Variants in PPP1R9A observed in about 807,000 individuals in gnomAD.
PPP1R9A encodes protein phosphatase 1 regulatory subunit 9A.
A neutral mutation model predicts 141.9 loss-of-function variants in PPP1R9A; 59 were observed. The observed-to-expected ratio is 0.42, with a 90% confidence interval of 0.34 to 0.52. PPP1R9A has a LOEUF of 0.52. PPP1R9A is among the 20% of genes least tolerant of loss of function. PPP1R9A has a pLI of 0.10. For missense variants in PPP1R9A, 1,444 were observed against 1,611.9 expected (o/e 0.90, Z 1.78); for synonymous variants, 500 against 569.7 (o/e 0.88, Z 1.74).
intron 5 of PPP1R9A, among the ~76,000 whole-genome samples, chr7:95,194,546 G>A (rs184064404): frequency 1.9e-3 from 291 of 152,030 alleles, no homozygotes; most frequent in Non-Finnish European, 3.4e-3. Context: ...CATAGTAGAT[G>A]TGATATTATA....
chr7:94,998,875 C>A (rs747752122), intron 2 of PPP1R9A, among the ~76,000 whole-genome samples: 14 of 152,070 alleles, frequency 9.2e-5, no homozygotes, highest in Non-Finnish European at 2.1e-4. Flanking sequence ...GTGGTCCTTC[C>A]ATCTCAGCCT....
At chr7:95,212,588 G>C (rs1792362487) in intron 7 of PPP1R9A, among the ~76,000 whole-genome samples, 1 of 152,148 alleles carries the variant, frequency 6.6e-6, no homozygotes, top group African/African-American at 2.4e-5. Context: ...AATGGTTCCT[G>C]ATTTTAGGTA....
intron 2 of PPP1R9A, among the ~76,000 whole-genome samples, chr7:95,050,598 A>G (rs1810654898): frequency 6.6e-6 from 1 of 152,136 alleles, no homozygotes; most frequent in Non-Finnish European, 1.5e-5. Flanking sequence ...GTGGTGATGC[A>G]TGCCTGTAAT....
At chr7:94,933,961 G>A (rs766668345) in intron 2 of PPP1R9A, among the ~76,000 whole-genome samples, 6 of 152,226 alleles carry the variant, frequency 3.9e-5, no homozygotes, top group South Asian at 4.1e-4. Context: ...ATTGAATAAC[G>A]TGATCAAAGT....
At position 95,034,468 on chromosome 7, in the gene PPP1R9A, A is replaced by G. The variant is rs186230201; in HGVS notation, c.1396-76791A>G. Reference sequence around the variant, plus strand: ...ACTACAACCTCTGCCTCCCAGGTTCAGGTGATTCTCATGCCTCAGCCTCCC... The same window carrying G: ...ACTACAACCTCTGCCTCCCAGGTTCGGGTGATTCTCATGCCTCAGCCTCCC... On this transcript the variant is annotated intron_variant, in intron 2 of 19. Transcript: ENST00000433360. Among the ~76,000 whole-genome samples the G allele has an allele frequency of 5.5e-3, 835 of 152,230 alleles. 4 individuals are homozygous for G. Among genetic ancestry groups the G allele is most frequent in the Non-Finnish European group, 9.0e-3 (611 of 68,012 alleles).
At chr7:95,262,817 G>A (rs1367999876) in intron 12 of PPP1R9A, among the ~76,000 whole-genome samples, 1 of 152,136 alleles carries the variant, frequency 6.6e-6, no homozygotes, top group African/African-American at 2.4e-5. Context: ...CAAATTAAAT[G>A]TATAGCTCAT....
At chr7:95,018,964 GA>G (rs1188063423) in intron 2 of PPP1R9A, among the ~76,000 whole-genome samples, 1 of 152,176 alleles carries the variant, frequency 6.6e-6, no homozygotes, top group Non-Finnish European at 1.5e-5. Flanking sequence ...AAGGGAAAAG[GA>G]AAATCTTTTC....
At chr7:95,190,843 G>A (rs1835393007) in intron 5 of PPP1R9A, among the ~76,000 whole-genome samples, 1 of 152,146 alleles carries the variant, frequency 6.6e-6, no homozygotes, top group Admixed American at 6.5e-5. Flanking sequence ...TGTCCAAGTG[G>A]GAGCTGCATG....
At chr7:95,288,083 C>T (rs2115972645) in intron 18 of PPP1R9A, among the ~76,000 whole-genome samples, 1 of 152,296 alleles carries the variant, frequency 6.6e-6, no homozygotes, top group Admixed American at 6.5e-5. Context: ...TGTGAAACTT[C>T]CCCTAAGAAG....
At chr7:94,949,711 G>A (rs1796254873) in intron 2 of PPP1R9A, among the ~76,000 whole-genome samples, 1 of 151,946 alleles carries the variant, frequency 6.6e-6, no homozygotes, top group African/African-American at 2.4e-5. Flanking sequence ...CTCACCTGGG[G>A]GAGGGTGGGG....
intron 2 of PPP1R9A, among the ~76,000 whole-genome samples, chr7:94,914,389 A>G (rs1337226812): frequency 1.3e-5 from 2 of 152,200 alleles, no homozygotes; most frequent in African/African-American, 4.8e-5. Context: ...CATCAGAATA[A>G]TAGTTGATCT....
At chr7:95,100,844 ATTTTTTTTT>A (rs34210406) in intron 2 of PPP1R9A, among the ~76,000 whole-genome samples, 3 of 70,134 alleles carry the variant, frequency 4.3e-5, no homozygotes, top group African/African-American at 5.6e-5. Context: ...TCTTTGTCTG[ATTTTTTTTT>A]TTTTTTTTTT....
chr7:95,270,731 A>C (rs1327155272), intron 14 of PPP1R9A, among the ~76,000 whole-genome samples: 1 of 152,180 alleles, frequency 6.6e-6, no homozygotes, highest in Non-Finnish European at 1.5e-5. Context: ...TAAATTGAAC[A>C]CTATCAATTT....
intron 5 of PPP1R9A, among the ~76,000 whole-genome samples, chr7:95,196,311 T>A (rs1164534484): frequency 6.6e-6 from 1 of 152,160 alleles, no homozygotes; most frequent in Non-Finnish European, 1.5e-5. Context: ...CCAAAATTTT[T>A]AAAGACAGTA....
intron 3 of PPP1R9A, among the ~76,000 whole-genome samples, chr7:95,119,874 T>C (rs1822217511): frequency 6.6e-6 from 1 of 151,902 alleles, no homozygotes; most frequent in African/African-American, 2.4e-5. Flanking sequence ...TATGTCTAAG[T>C]ATATGTATAT....
intron 9 of PPP1R9A, 125 bp from the exon 10 acceptor site, chr7:95,249,901 C>T (rs1798635999): frequency 1.6e-6 from 2 of 1,287,930 alleles, no homozygotes. Context: ...CTGCTTTTCT[C>T]ATCTCAAGTG....
chr7:94,922,079 A>T (rs1007137596), intron 2 of PPP1R9A, among the ~76,000 whole-genome samples: 2 of 149,684 alleles, frequency 1.3e-5, no homozygotes, highest in Non-Finnish European at 3.0e-5. Flanking sequence ...TCCTAAAAAA[A>T]TATAATTTTA....
At chr7:95,160,772 C>T (rs1341898110) in intron 4 of PPP1R9A, among the ~76,000 whole-genome samples, 8 of 152,026 alleles carry the variant, frequency 5.3e-5, no homozygotes, top group South Asian at 2.1e-4. Flanking sequence ...TGAGAATGTG[C>T]GGTATTTGAT....
At chr7:95,044,056 T>G (rs781670058) in intron 2 of PPP1R9A, among the ~76,000 whole-genome samples, 9 of 152,236 alleles carry the variant, frequency 5.9e-5, no homozygotes, top group Non-Finnish European at 1.3e-4. Context: ...GGAGACTGCT[T>G]CAAAACTCAA....
Sources: gnomAD v4.1 joint callset for allele counts (sites outside exome capture counted in the v4.1 genomes callset) on GRCh38, gnomAD v4.1.1 for gene constraint, MANE v1.5 for transcripts, NCBI Gene and HGNC (gene_info 2026-07-23, HGNC 2026-07-21) for gene names.